EHBP1: variants seen among roughly 807,000 people sequenced by gnomAD.
EHBP1 encodes EH domain-binding protein 1.
In EHBP1, 55 loss-of-function variants were observed where a neutral mutation model predicts 144.0. That is an observed-to-expected ratio of 0.38 (90% CI 0.31 to 0.48). The LOEUF (loss-of-function observed/expected upper bound fraction) is 0.48. Ranked by LOEUF, EHBP1 falls within the 20% of genes least tolerant of loss-of-function variation. The pLI is 0.98. For synonymous variants in EHBP1, 469 were observed against 472.7 expected, an observed-to-expected ratio of 0.99 and a Z score of 0.10; for missense variants, 1,200 against 1,364.2, an observed-to-expected ratio of 0.88 and a Z score of 1.90.
At chr2:62,894,340 C>G (rs971792899) in intron 10 of EHBP1, among the ~76,000 whole-genome samples, 1 of 152,196 alleles carries the variant, frequency 6.6e-6, no homozygotes, top group Non-Finnish European at 1.5e-5. Context: ...CCTCTGCTAT[C>G]TCTTCTTCTG....
intron 10 of EHBP1, among the ~76,000 whole-genome samples, chr2:62,920,946 G>A (rs11891134): frequency 0.032 from 4,891 of 152,080 alleles, 256 homozygotes; most frequent in African/African-American, 0.11. Flanking sequence ...TTAGATTACA[G>A]GCATGAGCCA....
chr2:62,765,269 G>A (rs2041086854), intron 4 of EHBP1, among the ~76,000 whole-genome samples: 1 of 152,048 alleles, frequency 6.6e-6, no homozygotes, highest in Non-Finnish European at 1.5e-5. Context: ...GGCCCTATAA[G>A]ATGTGCCTCT....
intron 10 of EHBP1, among the ~76,000 whole-genome samples, chr2:62,936,742 G>A: frequency 6.6e-6 from 1 of 151,876 alleles, no homozygotes; most frequent in African/African-American, 2.4e-5. Flanking sequence ...CCTAACTTCA[G>A]TTTTACCATG....
chr2:62,869,049 G>A (rs1006397083), intron 9 of EHBP1, among the ~76,000 whole-genome samples: 1 of 152,122 alleles, frequency 6.6e-6, no homozygotes, highest in African/African-American at 2.4e-5. Context: ...ATGGAGAGAT[G>A]CTCAGCTTCA....
intron 7 of EHBP1, among the ~76,000 whole-genome samples, chr2:62,847,286 C>G (rs2048359980): frequency 6.6e-6 from 1 of 152,164 alleles, no homozygotes; most frequent in African/African-American, 2.4e-5. Context: ...ACCCCCACCT[C>G]TCCACATACA....
At chr2:63,039,307 A>G (rs980587671) in intron 21 of EHBP1, among the ~76,000 whole-genome samples, 1 of 151,998 alleles carries the variant, frequency 6.6e-6, no homozygotes, top group African/African-American at 2.4e-5. Flanking sequence ...GGCATAAAAG[A>G]TAAATGAAAC....
At chr2:62,853,806 G>A (rs752720827) in intron 7 of EHBP1, among the ~76,000 whole-genome samples, 7 of 152,186 alleles carry the variant, frequency 4.6e-5, no homozygotes, top group Non-Finnish European at 8.8e-5. Context: ...GCTCTTGGGC[G>A]ACCTGGTGCA....
intron 5 of EHBP1, among the ~76,000 whole-genome samples, chr2:62,794,395 A>G (rs1213537876): frequency 6.6e-6 from 1 of 152,082 alleles, no homozygotes; most frequent in East Asian, 1.9e-4. Flanking sequence ...TTATGAAAAG[A>G]TAGAATAGAC....
At chr2:62,926,044 T>G (rs2055480721) in intron 10 of EHBP1, among the ~76,000 whole-genome samples, 1 of 152,092 alleles carries the variant, frequency 6.6e-6, no homozygotes, top group African/African-American at 2.4e-5. Flanking sequence ...GGTACTAGCA[T>G]AAAAGCAGAC....
chr2:62,996,197 C>G (rs970268693), intron 18 of EHBP1, among the ~76,000 whole-genome samples: 1 of 152,048 alleles, frequency 6.6e-6, no homozygotes, highest in South Asian at 2.1e-4. Context: ...TTATCTGACT[C>G]TCTCAGGTTG....
At chr2:63,003,011 A>G (rs2059907928) in intron 19 of EHBP1, among the ~76,000 whole-genome samples, 1 of 152,070 alleles carries the variant, frequency 6.6e-6, no homozygotes, top group Non-Finnish European at 1.5e-5. Flanking sequence ...TACAAGTTGC[A>G]TTCTGAACTT....
chr2:62,683,842 C>A (rs1348544810), intron 1 of EHBP1, among the ~76,000 whole-genome samples: 1 of 151,912 alleles, frequency 6.6e-6, no homozygotes, highest in African/African-American at 2.4e-5. Flanking sequence ...CTGCTAGAGC[C>A]CACAGACCCA....
intron 8 of EHBP1, among the ~76,000 whole-genome samples, chr2:62,861,477 T>C (rs1293076803): frequency 1.3e-5 from 2 of 150,098 alleles, no homozygotes; most frequent in South Asian, 2.1e-4. Context: ...GGCGCGGTGG[T>C]TCACGCCTGT....
chr2:62,835,958 G>A (rs10167361), intron 7 of EHBP1, among the ~76,000 whole-genome samples: 127,751 of 150,918 alleles, frequency 0.85, 55,272 homozygotes, highest in African/African-American at 0.96. Flanking sequence ...TAAACAAAGC[G>A]GCCCGGAAGC....
chr2:62,809,384 A>G (rs1175800486), intron 5 of EHBP1, among the ~76,000 whole-genome samples: 3 of 151,906 alleles, frequency 2.0e-5, no homozygotes, highest in African/African-American at 7.3e-5. Context: ...TGGAAGCCCA[A>G]GGGAATTTTC....
chr2:62,853,219 TCACA>T (rs2048806027), intron 7 of EHBP1, among the ~76,000 whole-genome samples: 1 of 152,184 alleles, frequency 6.6e-6, no homozygotes, highest in Non-Finnish European at 1.5e-5. Flanking sequence ...GTAAAGCAAG[TCACA>T]CACATTTTTT....
At chr2:62,983,992 C>A (rs1218178342) in intron 15 of EHBP1, among the ~76,000 whole-genome samples, 1 of 152,144 alleles carries the variant, frequency 6.6e-6, no homozygotes, top group Admixed American at 6.5e-5. Flanking sequence ...GAAATAATAT[C>A]TTAGGTCTTC....
In EHBP1 at chr2:62,951,538, G is replaced by T. The variant is rs566640185; in HGVS notation, c.2316+2376G>T. Reference sequence around the variant, plus strand: ...AATTTTTCTTTTTTTTTTTTTTGGGGGGGGGGGGTGGAGTCTTGCCCTGTC... The same window carrying T: ...AATTTTTCTTTTTTTTTTTTTTGGGTGGGGGGGGTGGAGTCTTGCCCTGTC... On this transcript the variant is annotated intron_variant, in intron 13 of 22. Transcript: ENST00000431489. Among the ~76,000 whole-genome samples, 948 of 142,132 alleles carry T rather than the reference G, an allele frequency of 6.7e-3. 22 individuals are homozygous for T. Among genetic ancestry groups the T allele is most frequent in the Non-Finnish European group, 9.4e-3 (602 of 64,332 alleles). The allele number at this position is 142,132 out of a possible 152,430, so 93.2% of individuals were successfully genotyped here.
In EHBP1 at chr2:62,979,319, G is replaced by T. The variant is rs1445326418; in HGVS notation, c.2592G>T (p.Arg864Ser). ...GEMAAEKLKE[R>S]SKASGEQNSK... ...TGGCTGCAGAAAAGTTGAAAGAAAG[G>T]TCAAAGGCATCTGGAGGTGAGTTAA... is the stretch of plus-strand genomic sequence containing the variant. Residue 864 changes from arginine to serine, a missense_variant, in exon 15 of 23, where the codon AGG becomes AGT. Arg to Ser is a moderately radical substitution (Grantham distance 110). This residue lies in a region of EHBP1 where 543 missense variants were observed against 513.1 expected (regional missense o/e 1.06). Transcript: ENST00000431489. The T allele has an allele frequency of 6.2e-7, 1 of 1,613,798 alleles. No individual in the cohort carries two copies.
Sources: gnomAD v4.1 joint callset for allele counts (sites outside exome capture counted in the v4.1 genomes callset) on GRCh38, gnomAD v4.1.1 for gene constraint, gnomAD v4.1.1 regional missense constraint, MANE v1.5 for transcripts, NCBI Gene and HGNC (gene_info 2026-07-23, HGNC 2026-07-21) for gene names.